Variants in CNTNAP4 observed in about 807,000 individuals in gnomAD.
CNTNAP4 encodes the protein contactin-associated protein-like 4.
In CNTNAP4, 98 loss-of-function variants were observed where a neutral mutation model predicts 148.4. The observed-to-expected ratio is 0.66, with a 90% CI of 0.56 to 0.78. CNTNAP4 has a LOEUF of 0.78. Ranked by LOEUF, CNTNAP4 falls within the 30% of genes least tolerant of loss-of-function variation. CNTNAP4 has a pLI of 0.00. For missense variants in CNTNAP4, 1,935 were observed against 1,565.6 expected (o/e 1.24, Z -3.98); for synonymous variants, 730 against 565.1 (o/e 1.29, Z -4.14).
chr16:76,538,209 C>T lies in CNTNAP4; in HGVS notation c.3089C>T (p.Ser1030Leu), dbSNP rs567943646. The change falls in exon 19 of 24, where the codon TCA becomes TTA. Residue 1030 changes from serine (S) to leucine (L), a missense_variant. Ser to Leu is a moderately radical substitution (Grantham distance 145). Transcript: ENST00000611870. ...LSKNSSSHAA[S>L]FHGDMKLSRE... is the part of the protein sequence containing the mutation. ...AAAAACTCCAGCTCCCACGCTGCTT[C>T]ATTTCATGGTGATATGAAGCTGAGC... The T allele has an allele frequency of 1.2e-6, 2 of 1,609,228 alleles. No homozygotes were observed. Among genetic ancestry groups the T allele is most frequent in the East Asian group, 4.5e-5 (2 of 44,608 alleles).
intron 2 of CNTNAP4, among the ~76,000 whole-genome samples, chr16:76,339,398 T>G (rs1026064023): frequency 3.3e-5 from 5 of 152,276 alleles, no homozygotes; most frequent in East Asian, 1.9e-4. Flanking sequence ...CTTTAAACAC[T>G]TAATCTAAAC....
chr16:76,527,174 A>G (rs8048690), intron 17 of CNTNAP4, among the ~76,000 whole-genome samples: 151,594 of 152,250 alleles, frequency 1, 75,478 homozygotes, highest in Middle Eastern at 1. Context: ...TTAATGAGAC[A>G]CACCTGCTCT....
intron 2 of CNTNAP4, among the ~76,000 whole-genome samples, chr16:76,333,344 T>G (rs565393336): frequency 3.3e-5 from 5 of 152,240 alleles, no homozygotes; most frequent in African/African-American, 1.2e-4. Flanking sequence ...CACTGAATAT[T>G]TCTTCTCTCT....
At chr16:76,291,403 C>A (rs764546898) in intron 1 of CNTNAP4, among the ~76,000 whole-genome samples, 2 of 152,156 alleles carry the variant, frequency 1.3e-5, no homozygotes, top group Non-Finnish European at 1.5e-5. Context: ...CCTTCTTTTT[C>A]TCTTTGCTTT....
intron 4 of CNTNAP4, among the ~76,000 whole-genome samples, chr16:76,431,924 A>T (rs1292648833): frequency 6.6e-6 from 1 of 152,148 alleles, no homozygotes; most frequent in Non-Finnish European, 1.5e-5. Context: ...TGTTTTTGAC[A>T]CATTGAGTTC....
intron 3 of CNTNAP4, among the ~76,000 whole-genome samples, chr16:76,398,179 A>G (rs2078279604): frequency 6.6e-6 from 1 of 150,950 alleles, no homozygotes; most frequent in Non-Finnish European, 1.5e-5. Context: ...TAGTCTTTCC[A>G]TGTTCTTCTG....
intron 1 of CNTNAP4, among the ~76,000 whole-genome samples, chr16:76,311,501 C>T (rs1212595699): frequency 1.3e-5 from 2 of 152,016 alleles, no homozygotes; most frequent in Non-Finnish European, 2.9e-5. Context: ...TAACAGAATT[C>T]ATTAAAACAT....
At chr16:76,330,461 A>T (rs1490902171) in intron 2 of CNTNAP4, among the ~76,000 whole-genome samples, 1 of 152,174 alleles carries the variant, frequency 6.6e-6, no homozygotes, top group African/African-American at 2.4e-5. Flanking sequence ...CCTGCTTATG[A>T]CTTTCAACCC....
intron 3 of CNTNAP4, among the ~76,000 whole-genome samples, chr16:76,389,782 G>A (rs1326861739): frequency 6.6e-6 from 1 of 151,970 alleles, no homozygotes; most frequent in Non-Finnish European, 1.5e-5. Context: ...GGTGTTTATG[G>A]GAACCCGATC....
chr16:76,467,590 A>T (rs2081220223), intron 10 of CNTNAP4, 67 bp downstream of exon 10: 1 of 1,256,832 alleles, frequency 8.0e-7, no homozygotes, highest in Admixed American at 2.5e-5. Flanking sequence ...ATTTATGTAT[A>T]AGATGAACAA....
chr16:76,355,510 G>GGGTATGT lies in CNTNAP4; in HGVS notation c.390_390+6dup. ...CAATATCGCCAAGAGGACAGCATCT[G>GGGTATGT]GGTATGTTCTTTAACAAAAGACATA... On this transcript the variant is annotated frameshift_variant and splice_region_variant, in exon 3 of 24. Coordinates refer to ENST00000611870, the MANE Select transcript of CNTNAP4 (RefSeq NM_033401.5). LOFTEE classifies it high-confidence loss of function. The GGGTATGT allele has an allele frequency of 1.3e-6, 2 of 1,596,536 alleles. No homozygotes were observed. The highest frequency in any genetic ancestry group is 1.7e-6 in the Non-Finnish European group (2 of 1,171,738).
chr16:76,291,731 A>C (rs1959124752), intron 1 of CNTNAP4, among the ~76,000 whole-genome samples: 1 of 152,254 alleles, frequency 6.6e-6, no homozygotes, highest in Non-Finnish European at 1.5e-5. Context: ...ACATAAATAA[A>C]GCAAACAAAC....
intron 13 of CNTNAP4, among the ~76,000 whole-genome samples, chr16:76,494,258 G>A (rs1358440495): frequency 6.6e-6 from 1 of 151,978 alleles, no homozygotes; most frequent in African/African-American, 2.4e-5. Flanking sequence ...TTTGGCTGAG[G>A]GAAACTTCCA....
At chr16:76,292,578 G>A (rs1290629150) in intron 1 of CNTNAP4, among the ~76,000 whole-genome samples, 1 of 152,172 alleles carries the variant, frequency 6.6e-6, no homozygotes, top group African/African-American at 2.4e-5. Context: ...CATCAGCCTA[G>A]TGTCTTCTCC....
chr16:76,555,954 A>G (rs2085180292), intron 23 of CNTNAP4, among the ~76,000 whole-genome samples: 1 of 152,176 alleles, frequency 6.6e-6, no homozygotes, highest in African/African-American at 2.4e-5. Flanking sequence ...TTTATTTGCT[A>G]AATCATAATG....
At chr16:76,368,144 C>T (rs1312002869) in intron 3 of CNTNAP4, among the ~76,000 whole-genome samples, 5 of 152,158 alleles carry the variant, frequency 3.3e-5, no homozygotes. Flanking sequence ...GCAGGATATC[C>T]ATTCATCTTA....
intron 3 of CNTNAP4, among the ~76,000 whole-genome samples, chr16:76,424,991 G>T (rs556702275): frequency 1.4e-4 from 21 of 152,192 alleles, no homozygotes; most frequent in South Asian, 1.2e-3. Flanking sequence ...CTAGAGGTTG[G>T]GTGGGAATAA....
At chr16:76,460,230 C>T (rs142780957) in intron 8 of CNTNAP4, among the ~76,000 whole-genome samples, 3,056 of 152,086 alleles carry the variant, frequency 0.02, 41 homozygotes, top group Non-Finnish European at 0.027. Context: ...GCCTCAGCCT[C>T]CCCAGTAGCT....
At position 76,330,562 on chromosome 16, in the gene CNTNAP4, C is replaced by T. The variant is rs533073359; in HGVS notation, c.196+14039C>T. On this transcript the variant is annotated intron_variant, in intron 2 of 23. Coordinates refer to ENST00000611870, the MANE Select transcript of CNTNAP4 (RefSeq NM_033401.5). The stretch of plus-strand genomic sequence containing the variant: ...GGTTGAACAGATAATTTGGTAGTTT[C>T]AAAGAAAAAGGTGTAAAAATTCACA... 7.9e-5 allele frequency among the ~76,000 whole-genome samples: 12 copies of T among 152,058 alleles called. No individual in the cohort carries two copies. In the East Asian group the frequency reaches 1.9e-3, roughly 25 times the overall value.
Sources: gnomAD v4.1 joint callset for allele counts (sites outside exome capture counted in the v4.1 genomes callset) on GRCh38, gnomAD v4.1.1 for gene constraint, MANE v1.5 for transcripts, NCBI Gene and HGNC (gene_info 2026-07-23, HGNC 2026-07-21) for gene names.